Variants in ZSCAN5A observed in about 807,000 individuals in gnomAD.
The protein encoded by ZSCAN5A is zinc finger and SCAN domain-containing protein 5A.
A neutral mutation model predicts 23.7 loss-of-function variants in ZSCAN5A; 12 were observed. The observed-to-expected ratio is 0.51, with a 90% CI of 0.32 to 0.82. The LOEUF is 0.82. Among genes scored for constraint, ZSCAN5A ranks in the 40% least tolerant of loss-of-function variants. The probability of loss-of-function intolerance (pLI) is 0.03; values close to 1 mark genes in which losing one functional copy is unlikely to be tolerated. For synonymous variants in ZSCAN5A, 257 were observed against 239.9 expected (o/e 1.07, Z -0.66); for missense variants, 597 against 617.9 (o/e 0.97, Z 0.36).
At chr19:56,280,753 C>T (rs2038631509) in intron 2 of ZSCAN5A, 2 of 152,174 alleles carry the variant, frequency 1.3e-5, no homozygotes, top group East Asian at 3.9e-4. Context: ...GAGCTCAGAG[C>T]TTCAAGCCCT....
At chr19:56,338,825 T>C (rs2041565188) in intron 2 of ZSCAN5A, among the ~76,000 whole-genome samples, 1 of 152,176 alleles carries the variant, frequency 6.6e-6, no homozygotes, top group Non-Finnish European at 1.5e-5. Flanking sequence ...GCTGGCCTTG[T>C]AGCTTGGAAG....
chr19:56,301,738 T>C (rs1441504748), intron 2 of ZSCAN5A, among the ~76,000 whole-genome samples: 2 of 152,100 alleles, frequency 1.3e-5, no homozygotes, highest in African/African-American at 4.8e-5. Context: ...GGTGATGTCT[T>C]GGATGTGAGG....
chr19:56,254,700 G>C (rs534921976), intron 2 of ZSCAN5A, among the ~76,000 whole-genome samples: 37 of 152,108 alleles, frequency 2.4e-4, no homozygotes, highest in African/African-American at 7.5e-4. Flanking sequence ...AGTATACCAG[G>C]GTTCCCATTT....
chr19:56,364,769 T>C (rs1219261659), intron 1 of ZSCAN5A, among the ~76,000 whole-genome samples: 4 of 152,236 alleles, frequency 2.6e-5, no homozygotes, highest in South Asian at 2.1e-4. Context: ...CCTACACATA[T>C]GAATTGCTAA....
At chr19:56,343,380 G>C (rs2041609399) in intron 2 of ZSCAN5A, 5 of 552,318 alleles carry the variant, frequency 9.1e-6, no homozygotes, top group Non-Finnish European at 1.4e-5. Context: ...CATTTTCTGA[G>C]AATATAAGTG....
upstream of ZSCAN5A, chr19:56,317,678 A>AGT (rs1369361488): frequency 6.6e-6 from 1 of 152,536 alleles, no homozygotes; most frequent in Non-Finnish European, 1.5e-5. Flanking sequence ...CTGTGAACAC[A>AGT]GCTGCAAAGG....
rs1361174474 is a variant in ZSCAN5A, at chr19:56,313,340, A to C, written c.-185T>G. The C allele has an allele frequency of 1.0e-5, 3 of 295,464 alleles. No individual in the cohort carries two copies. Among genetic ancestry groups the C allele is most frequent in the Non-Finnish European group, 2.0e-5 (3 of 148,160 alleles). 18.3% of individuals were successfully genotyped at this position (295,464 alleles called of 1,614,324 possible). A position where few individuals can be genotyped will look rare whatever the true frequency, so the allele number is the denominator to read the frequency against. On this transcript the variant is annotated 5_prime_UTR_variant, in exon 2 of 6. An upstream open reading frame in the 5' UTR loses its in-frame stop. Coordinates refer to ENST00000683990, the MANE Select transcript of ZSCAN5A (RefSeq NM_001322064.3). ...TGGCAGAAGGTCAAAGGCACGTCTC[A>C]CATGGCAGCAGACAAGAGAAGAGAG...
chr19:56,240,522 A>AT (rs1356149102), intron 2 of ZSCAN5A, among the ~76,000 whole-genome samples: 1 of 152,168 alleles, frequency 6.6e-6, no homozygotes, highest in African/African-American at 2.4e-5. Flanking sequence ...AGTTGGAGGC[A>AT]TAAGGCGGGA....
chr19:56,352,290 G>A lies in ZSCAN5A; in HGVS notation c.-358+10945C>T, dbSNP rs2041672453. 6.6e-6 allele frequency among the ~76,000 whole-genome samples: 1 copy of A among 152,052 alleles called. No individual in the cohort carries two copies. Among genetic ancestry groups the A allele is most frequent in the African/African-American group, 2.4e-5 (1 of 41,382 alleles). On this transcript the variant is annotated intron_variant, in intron 2 of 6. Coordinates refer to the ZSCAN5A transcript ENST00000587340. The surrounding 1 kb of genome is among the most constrained non-coding windows in gnomAD (Gnocchi z 4.2). ...TAACAAAGCTTCTACTCAGAGAGAC[G>A]GATTAAACCAGACAATTAAACATAA...
intron 2 of ZSCAN5A, among the ~76,000 whole-genome samples, chr19:56,276,846 C>T (rs2038302853): frequency 6.6e-6 from 1 of 151,888 alleles, no homozygotes; most frequent in Admixed American, 6.6e-5. Flanking sequence ...CAAAGGTTAT[C>T]TTTATTGATA....
chr19:56,358,811 C>T (rs1244702813), intron 2 of ZSCAN5A, among the ~76,000 whole-genome samples: 2 of 152,170 alleles, frequency 1.3e-5, no homozygotes, highest in African/African-American at 4.8e-5. Context: ...GAACAACCTG[C>T]TCCTGCATGA....
At chr19:56,257,245 A>C (rs1600110212) in intron 2 of ZSCAN5A, among the ~76,000 whole-genome samples, 1 of 152,290 alleles carries the variant, frequency 6.6e-6, no homozygotes, top group East Asian at 1.9e-4. Context: ...GTGAATGGAC[A>C]CGAAAGGAGA....
chr19:56,313,221 G>A (rs2041154379), intron 2 of ZSCAN5A, 62 bp downstream of exon 2: 2 of 320,574 alleles, frequency 6.2e-6, no homozygotes, highest in South Asian at 2.5e-5. Context: ...CTGTTTTCAC[G>A]CTGCTGATAA....
At chr19:56,271,002 G>T (rs182469650) in intron 2 of ZSCAN5A, among the ~76,000 whole-genome samples, 1 of 152,320 alleles carries the variant, frequency 6.6e-6, no homozygotes, top group East Asian at 1.9e-4. Flanking sequence ...TAATGCTAAA[G>T]AATATTAATG....
At chr19:56,361,665 T>C (rs1467432270) in intron 2 of ZSCAN5A, among the ~76,000 whole-genome samples, 2 of 151,898 alleles carry the variant, frequency 1.3e-5, no homozygotes, top group Admixed American at 1.3e-4. Context: ...TGAGAACACA[T>C]GGAAACAGGG....
chr19:56,324,539 A>G (rs1273212992), intron 2 of ZSCAN5A, among the ~76,000 whole-genome samples: 1 of 152,068 alleles, frequency 6.6e-6, no homozygotes. Flanking sequence ...TGTTGGTGGG[A>G]AAGTAAATTA....
At chr19:56,300,562 T>C (rs1476408428) in intron 2 of ZSCAN5A, among the ~76,000 whole-genome samples, 3 of 152,234 alleles carry the variant, frequency 2.0e-5, no homozygotes, top group Non-Finnish European at 4.4e-5. Context: ...TGGGTCATAA[T>C]GCTGGCCGCA....
rs890880136 is a variant in ZSCAN5A, at chr19:56,290,376, C to T, written c.-128+22907G>A. Among the ~76,000 whole-genome samples, 7 of 152,202 alleles carry T rather than the reference C, an allele frequency of 4.6e-5. No homozygotes were observed. The East Asian group carries it at 1.3e-3, about 29-fold the overall frequency. ...CAGAGCTGCATAGTTGTGACTGGGG[C>T]CATGTGGCCTGCAAAGCCTACACTA... is the stretch of plus-strand genomic sequence containing the variant. On this transcript the variant is annotated intron_variant, in intron 2 of 5. Transcript: ENST00000683990.
chr19:56,274,173 G>A (rs2038070385), intron 2 of ZSCAN5A, among the ~76,000 whole-genome samples: 1 of 152,182 alleles, frequency 6.6e-6, no homozygotes, highest in Non-Finnish European at 1.5e-5. Context: ...CTCTGTAGAG[G>A]TCGGGCGCGG....
Sources: gnomAD v4.1 joint callset for allele counts (sites outside exome capture counted in the v4.1 genomes callset) on GRCh38, gnomAD v4.1.1 for gene constraint, Gnocchi (gnomAD v3.1) non-coding constraint, MANE v1.5 for transcripts, NCBI Gene and HGNC (gene_info 2026-07-23, HGNC 2026-07-21) for gene names.